The following PDE4B variants were observed in gnomAD, a reference collection of about 807,000 sequenced individuals.
PDE4B encodes the protein phosphodiesterase 4B.
Under a neutral mutation model 82.2 loss-of-function variants are expected in PDE4B, and 20 were observed. That is an observed-to-expected ratio of 0.24 (90% CI 0.17 to 0.35). The LOEUF (loss-of-function observed/expected upper bound fraction) is 0.35. Among genes scored for constraint, PDE4B ranks in the 10% least tolerant of loss-of-function variants. The pLI is 1.00. For missense variants in PDE4B, 655 were observed against 907.2 expected (o/e 0.72, Z 3.57); for synonymous variants, 320 against 318.9 (o/e 1.00, Z -0.04).
intron 3 of PDE4B, among the ~76,000 whole-genome samples, chr1:65,943,320 T>A (rs1648542363): frequency 6.6e-6 from 1 of 151,958 alleles, no homozygotes; most frequent in Non-Finnish European, 1.5e-5. Flanking sequence ...ACCATTAATG[T>A]GTGGATTTAT....
intron 1 of PDE4B, among the ~76,000 whole-genome samples, chr1:65,797,251 G>T (rs1645642654): frequency 6.6e-6 from 1 of 152,158 alleles, no homozygotes; most frequent in Non-Finnish European, 1.5e-5. Flanking sequence ...ACTGCGCCCG[G>T]CCAACATTTT....
intron 3 of PDE4B, among the ~76,000 whole-genome samples, chr1:66,103,818 A>T (rs1645277282): frequency 6.6e-6 from 1 of 152,094 alleles, no homozygotes; most frequent in African/African-American, 2.4e-5. Flanking sequence ...TTTATACTGA[A>T]TCATATGCTC....
chr1:66,124,211 G>A (rs77398027), intron 3 of PDE4B, among the ~76,000 whole-genome samples: 269 of 152,196 alleles, frequency 1.8e-3, no homozygotes, highest in Non-Finnish European at 3.5e-3. Context: ...CAGGGAAGTC[G>A]GGAAGACACC....
intron 2 of PDE4B, among the ~76,000 whole-genome samples, chr1:65,917,801 A>G (rs1647180072): frequency 6.6e-6 from 1 of 152,234 alleles, no homozygotes; most frequent in African/African-American, 2.4e-5. Context: ...AAGACCTTTC[A>G]TAAGAACATA....
At chr1:66,210,661 A>G (rs1276995198) in intron 3 of PDE4B, among the ~76,000 whole-genome samples, 1 of 151,792 alleles carries the variant, frequency 6.6e-6, no homozygotes, top group Non-Finnish European at 1.5e-5. Flanking sequence ...AGCTGAATCT[A>G]TGAACAGGGG....
chr1:65,934,586 A>G (rs188795448), intron 3 of PDE4B, among the ~76,000 whole-genome samples: 1 of 152,356 alleles, frequency 6.6e-6, no homozygotes, highest in African/African-American at 2.4e-5. Context: ...CAAAAGACAA[A>G]GAGCAGTTGA....
chr1:66,136,098 A>G (rs1360714285), intron 3 of PDE4B, among the ~76,000 whole-genome samples: 1 of 152,090 alleles, frequency 6.6e-6, no homozygotes, highest in South Asian at 2.1e-4. Flanking sequence ...AGCAGTGTGT[A>G]TCCTTAGGCT....
chr1:66,116,496 A>C (rs1286012821), intron 3 of PDE4B, among the ~76,000 whole-genome samples: 18 of 152,104 alleles, frequency 1.2e-4, no homozygotes. Context: ...ATCCTTTAGA[A>C]TTCTTCCAAT....
chr1:66,132,068 T>C (rs907197023), intron 3 of PDE4B, among the ~76,000 whole-genome samples: 2 of 152,140 alleles, frequency 1.3e-5, no homozygotes, highest in African/African-American at 4.8e-5. Flanking sequence ...CCATCACTTG[T>C]GGGCTAGGAA....
chr1:66,114,892 T>A (rs539090635), intron 3 of PDE4B, among the ~76,000 whole-genome samples: 15 of 152,238 alleles, frequency 9.9e-5, no homozygotes, highest in African/African-American at 2.9e-4. Flanking sequence ...TGCCTCAGCC[T>A]CCTAAAGTAC....
intron 1 of PDE4B, among the ~76,000 whole-genome samples, chr1:65,832,703 A>G (rs1646096192): frequency 6.6e-6 from 1 of 152,232 alleles, no homozygotes; most frequent in South Asian, 2.1e-4. Context: ...CTGGTAGGAT[A>G]GAAGTCAACT....
At chr1:65,803,521 T>C (rs1394248157) in intron 1 of PDE4B, among the ~76,000 whole-genome samples, 1 of 152,192 alleles carries the variant, frequency 6.6e-6, no homozygotes, top group Non-Finnish European at 1.5e-5. Flanking sequence ...GAAATATCAC[T>C]GGTAAACCTC....
At chr1:66,255,852 A>C (rs1004613976) in intron 4 of PDE4B, among the ~76,000 whole-genome samples, 1 of 152,202 alleles carries the variant, frequency 6.6e-6, no homozygotes, top group Non-Finnish European at 1.5e-5. Context: ...TGATATGTCA[A>C]CTATGCAGCA....
chr1:66,356,592 A>G (rs1198169745), intron 9 of PDE4B, among the ~76,000 whole-genome samples: 1 of 152,240 alleles, frequency 6.6e-6, no homozygotes, highest in Non-Finnish European at 1.5e-5. Flanking sequence ...GAATAGCCAT[A>G]TGGCATTAAA....
chr1:66,072,945 C>A lies in PDE4B; in HGVS notation c.281+154110C>A, dbSNP rs566062029. ...TTGATGAAGGTGGAGGTGAAGTAAA[C>A]AAACAAAATTTAAACAGCAAATAAA... On this transcript the variant is annotated intron_variant, in intron 3 of 16. Transcript: ENST00000341517. Among the ~76,000 whole-genome samples, 10 of 151,248 alleles carry A rather than the reference C, an allele frequency of 6.6e-5. No homozygotes were observed. In the East Asian group the frequency reaches 1.7e-3, roughly 26 times the overall value.
chr1:66,369,574 A>G (rs1455595732), intron 16 of PDE4B, among the ~76,000 whole-genome samples: 2 of 152,248 alleles, frequency 1.3e-5, no homozygotes, highest in South Asian at 2.1e-4. Context: ...CCAGATGCCA[A>G]TAGCTGCAGA....
intron 8 of PDE4B, among the ~76,000 whole-genome samples, chr1:66,338,959 C>T (rs1660744196): frequency 6.9e-6 from 1 of 144,404 alleles, no homozygotes; most frequent in Non-Finnish European, 1.5e-5. Flanking sequence ...GCGGAGCTTG[C>T]AGTGAGCCGA....
Position 66,090,621 on chromosome 1 carries a change from A to ATATATATATATATGTGTGTGTGTG in PDE4B, c.282-156838_282-156837insATATATATATATGTGTGTGTGTGT. 1.3e-3 allele frequency among the ~76,000 whole-genome samples: 162 copies of ATATATATATATATGTGTGTGTGTG among 122,574 alleles called. 5 individuals carry two copies. Among genetic ancestry groups the ATATATATATATATGTGTGTGTGTG allele is most frequent in the African/African-American group, 6.2e-3 (151 of 24,228 alleles). 80.4% of individuals were successfully genotyped at this position (122,574 alleles called of 152,430 possible). On this transcript the variant is annotated intron_variant, in intron 3 of 16. Transcript: ENST00000341517. ...TTATATATATATATGTATATAATAT[A>ATATATATATATATGTGTGTGTGTG]TGTGTGTGTGTGTGTGTGTATGTAC...
chr1:66,186,195 T>A (rs1647205471), intron 3 of PDE4B, among the ~76,000 whole-genome samples: 1 of 152,186 alleles, frequency 6.6e-6, no homozygotes, highest in Non-Finnish European at 1.5e-5. Context: ...TTGGTCTATA[T>A]CTCTGTTTTG....
Sources: gnomAD v4.1 joint callset for allele counts (sites outside exome capture counted in the v4.1 genomes callset) on GRCh38, gnomAD v4.1.1 for gene constraint, MANE v1.5 for transcripts, NCBI Gene and HGNC (gene_info 2026-07-23, HGNC 2026-07-21) for gene names.